Variants in DCHS2 observed in about 807,000 individuals in gnomAD.
DCHS2 encodes dachsous cadherin-related 2, also known as protocadherin-23.
Under a neutral mutation model 182.4 loss-of-function variants are expected in DCHS2, and 142 were observed. The ratio of observed to expected loss-of-function variants is 0.78; its 90% CI spans 0.68 to 0.89. The LOEUF is 0.89. DCHS2 is among the 40% of genes least tolerant of loss of function. The pLI, the probability that DCHS2 is intolerant of heterozygous loss-of-function variation, is 0.00. For missense variants in DCHS2, 4,319 were observed against 4,198.6 expected, an observed-to-expected ratio of 1.03 and a Z score of -0.79; for synonymous variants, 1,740 against 1,663.3, an observed-to-expected ratio of 1.05 and a Z score of -1.12.
At chr4:154,403,451 T>A (rs528641064) in intron 1 of DCHS2, among the ~76,000 whole-genome samples, 29 of 152,318 alleles carry the variant, frequency 1.9e-4, no homozygotes, top group African/African-American at 7.0e-4. Flanking sequence ...GTGGCTAATT[T>A]ACATTGATTT....
At chr4:154,375,011 C>T (rs769383334) in intron 2 of DCHS2, among the ~76,000 whole-genome samples, 1 of 151,886 alleles carries the variant, frequency 6.6e-6, no homozygotes, top group African/African-American at 2.4e-5. Flanking sequence ...TAGAACAAAG[C>T]TAAAAGAATG....
At chr4:154,337,851 C>T (rs1222534441) in intron 3 of DCHS2, among the ~76,000 whole-genome samples, 1 of 152,088 alleles carries the variant, frequency 6.6e-6, no homozygotes, top group African/African-American at 2.4e-5. Context: ...AGCGATTCTT[C>T]TGCCTCAGCC....
chr4:154,247,460 G>A, intron 16 of DCHS2, among the ~76,000 whole-genome samples: 1 of 151,744 alleles, frequency 6.6e-6, no homozygotes, highest in Admixed American at 6.6e-5. Flanking sequence ...TGGCCAATTT[G>A]GTGAAACCCC....
In DCHS2 at chr4:154,322,476, T is replaced by G; in HGVS notation, c.4031A>C (p.Asp1344Ala). 1.2e-6 allele frequency: 2 copies of G among 1,612,164 alleles called. No homozygotes were observed. The highest frequency in any genetic ancestry group is 1.7e-6 in the Non-Finnish European group (2 of 1,179,288). Residue 1344 changes from aspartate to alanine, a missense_variant, in exon 8 of 20, where the codon GAT (aspartate) becomes GCT (alanine). Coordinates refer to ENST00000357232, the MANE Select transcript of DCHS2 (RefSeq NM_001358235.2). ...ATTGTTGGCGTCAATCTTAAAGTGA[T>G]CAGAACTATCTTCTACACACACAAG... Reference protein sequence around the residue: ...TYSVSSEDSSDHFKIDANNGE... With the variant: ...TYSVSSEDSSAHFKIDANNGE...
At chr4:154,435,059 A>G (rs1733718810) in intron 1 of DCHS2, among the ~76,000 whole-genome samples, 1 of 152,184 alleles carries the variant, frequency 6.6e-6, no homozygotes, top group South Asian at 2.1e-4. Flanking sequence ...ATCCATAGTA[A>G]TGCACCAAGG....
intron 1 of DCHS2, among the ~76,000 whole-genome samples, chr4:154,388,741 G>A (rs1185173863): frequency 2.6e-5 from 4 of 152,144 alleles, no homozygotes; most frequent in South Asian, 2.1e-4. Flanking sequence ...TGATCCACCC[G>A]CCTCGGCCTC....
At chr4:154,243,786 T>C (rs552199744) in intron 16 of DCHS2, among the ~76,000 whole-genome samples, 1 of 152,282 alleles carries the variant, frequency 6.6e-6, no homozygotes, top group African/African-American at 2.4e-5. Context: ...ATGTATTGTA[T>C]CCTTTCTCAC....
At chr4:154,328,721 T>C (rs1441996507) in intron 6 of DCHS2, among the ~76,000 whole-genome samples, 1 of 152,226 alleles carries the variant, frequency 6.6e-6, no homozygotes, top group African/African-American at 2.4e-5. Flanking sequence ...ATTTTAATGA[T>C]ATGATTAAAA....
intron 12 of DCHS2, among the ~76,000 whole-genome samples, chr4:154,300,463 C>T (rs182152675): frequency 7.2e-6 from 1 of 139,716 alleles, no homozygotes; most frequent in African/African-American, 2.7e-5. Context: ...TGCTTGAGTC[C>T]AGGAATTTGA....
intron 16 of DCHS2, among the ~76,000 whole-genome samples, chr4:154,248,153 G>C (rs1174498501): frequency 6.6e-6 from 1 of 152,098 alleles, no homozygotes; most frequent in African/African-American, 2.4e-5. Flanking sequence ...TGGGCACTCA[G>C]GAAAGAAACT....
rs138826792 is a variant in DCHS2, at chr4:154,270,146, T to A, written c.6464-133A>T. On this transcript the variant is annotated intron_variant, in intron 13 of 19. Coordinates refer to ENST00000357232, the MANE Select transcript of DCHS2 (RefSeq NM_001358235.2). The stretch of plus-strand genomic sequence containing the variant: ...TCATTGATTCAACAATAACTTATTG[T>A]CTTCAATGAGCCAGATCCCATGCTA... 14 of 1,167,202 alleles carry A rather than the reference T, an allele frequency of 1.2e-5. No individual in the cohort carries two copies. The East Asian group carries it at 3.7e-4, about 31-fold the overall frequency. The allele number at this position is 1,167,202 out of a possible 1,614,324, so 72.3% of individuals were successfully genotyped here. A position where few individuals can be genotyped will look rare whatever the true frequency, so the allele number is the denominator to read the frequency against.
chr4:154,385,510 C>A (rs1267500958), intron 1 of DCHS2, among the ~76,000 whole-genome samples: 1 of 152,118 alleles, frequency 6.6e-6, no homozygotes, highest in Non-Finnish European at 1.5e-5. Flanking sequence ...CTGACTTCCA[C>A]AATGGTTGAA....
intron 3 of DCHS2, among the ~76,000 whole-genome samples, chr4:154,361,942 A>C (rs1414768621): frequency 2.0e-5 from 3 of 152,204 alleles, no homozygotes; most frequent in Non-Finnish European, 4.4e-5. Flanking sequence ...AGAAAGCATC[A>C]AAATGAAAGA....
At chr4:154,315,393 A>G (rs1168490744) in intron 10 of DCHS2, among the ~76,000 whole-genome samples, 1 of 152,162 alleles carries the variant, frequency 6.6e-6, no homozygotes, top group East Asian at 1.9e-4. Flanking sequence ...GAAATAAAGA[A>G]CCATTTATCT....
chr4:154,341,393 G>A (rs978851862), intron 3 of DCHS2, among the ~76,000 whole-genome samples: 3 of 149,904 alleles, frequency 2.0e-5, no homozygotes, highest in South Asian at 4.2e-4. Context: ...AAAAGAGAAC[G>A]TTTTCAAGTA....
At chr4:154,363,226 GA>G (rs887384850) in intron 3 of DCHS2, among the ~76,000 whole-genome samples, 5 of 151,588 alleles carry the variant, frequency 3.3e-5, no homozygotes, top group East Asian at 3.9e-4. Flanking sequence ...ATATCCAAAG[GA>G]AAAAAAATCA....
chr4:154,417,022 G>C (rs148628898), intron 1 of DCHS2, among the ~76,000 whole-genome samples: 1 of 152,080 alleles, frequency 6.6e-6, no homozygotes, highest in Non-Finnish European at 1.5e-5. Flanking sequence ...GACGCCAAGC[G>C]GCACTATTTT....
Position 154,232,951 on chromosome 4 carries a change from A to G in DCHS2, c.*1585T>C, listed in dbSNP as rs2111069829. On this transcript the variant is annotated 3_prime_UTR_variant, in exon 20 of 20. Coordinates refer to ENST00000357232, the MANE Select transcript of DCHS2 (RefSeq NM_001358235.2). The stretch of plus-strand genomic sequence containing the variant: ...AGTCAGCATAGATAGATAATAGAAA[A>G]TATCAGCATAGGAAGCTGTAGAATT... The G allele has an allele frequency of 6.6e-6, 1 of 152,294 alleles. No homozygotes were observed. Among genetic ancestry groups the G allele is most frequent in the South Asian group, 2.1e-4 (1 of 4,824 alleles). 9.4% of individuals were successfully genotyped at this position (152,294 alleles called of 1,614,324 possible). A position where few individuals can be genotyped will look rare whatever the true frequency, so the allele number is the denominator to read the frequency against.
intron 1 of DCHS2, among the ~76,000 whole-genome samples, chr4:154,379,201 C>A (rs17031538): frequency 2.6e-5 from 4 of 152,286 alleles, no homozygotes; most frequent in East Asian, 1.9e-4. Flanking sequence ...GCAGCTATTT[C>A]TTTGGTTCAC....
Sources: gnomAD v4.1 joint callset for allele counts (sites outside exome capture counted in the v4.1 genomes callset) on GRCh38, gnomAD v4.1.1 for gene constraint, MANE v1.5 for transcripts, NCBI Gene and HGNC (gene_info 2026-07-23, HGNC 2026-07-21) for gene names.